The following AGBL1 variants were observed in gnomAD, a reference collection of about 807,000 sequenced individuals.
AGBL1 encodes cytosolic carboxypeptidase 4.
AGBL1 carries 130 observed loss-of-function variants against 118.9 expected under a neutral mutation model. The ratio of observed to expected loss-of-function variants is 1.09; its 90% CI spans 0.95 to 1.26. The LOEUF (loss-of-function observed/expected upper bound fraction) is 1.26, where lower values mean the gene tolerates loss of function less well. Ranked by LOEUF, AGBL1 falls within the 50% of genes most tolerant of loss-of-function variation. The pLI is 0.00. For synonymous variants in AGBL1, 555 were observed against 478.9 expected, an observed-to-expected ratio of 1.16 and a Z score of -2.08; for missense variants, 1,584 against 1,298.1, an observed-to-expected ratio of 1.22 and a Z score of -3.38.
intron 21 of AGBL1, among the ~76,000 whole-genome samples, chr15:86,569,742 G>A (rs1366428772): frequency 6.6e-6 from 1 of 152,162 alleles, no homozygotes; most frequent in Admixed American, 6.5e-5. Context: ...TGCTAATAAG[G>A]TTGCCAGCAG....
chr15:86,467,841 A>G (rs1261623747), intron 18 of AGBL1, among the ~76,000 whole-genome samples: 1 of 152,140 alleles, frequency 6.6e-6, no homozygotes, highest in East Asian at 1.9e-4. Context: ...AGTGAGATGA[A>G]CCAGGTACCT....
chr15:86,128,066 T>A (rs1219929632), intron 1 of AGBL1, among the ~76,000 whole-genome samples: 1 of 152,188 alleles, frequency 6.6e-6, no homozygotes, highest in Non-Finnish European at 1.5e-5. Context: ...CCTGTATACC[T>A]TACAAACTTG....
chr15:86,254,814 A>T (rs547546924), intron 7 of AGBL1, among the ~76,000 whole-genome samples: 63 of 152,312 alleles, frequency 4.1e-4, no homozygotes, highest in South Asian at 4.1e-4. Context: ...CATCAGCATG[A>T]GGGAAATGTT....
chr15:86,264,585 G>T lies in AGBL1; in HGVS notation c.1414G>T (p.Ala472Ser), dbSNP rs1161868641. 3 of 1,613,834 alleles carry T rather than the reference G, an allele frequency of 1.9e-6. No individual in the cohort carries two copies. The highest frequency in any genetic ancestry group is 2.5e-6 in the Non-Finnish European group (3 of 1,179,874). The change falls in exon 11 of 23, where the codon GCA (alanine) becomes TCA (serine). Residue 472 changes from alanine to serine, a missense_variant. Ala to Ser is a moderately conservative substitution (Grantham distance 99). Coordinates refer to ENST00000614907, the MANE Select transcript of AGBL1 (RefSeq NM_001386094.1). ...GAAAGCAGATGCCTGGGACGTAGATGCAATTTTCTGCCCAAGGATGAGTGC... is the reference window on the plus strand; with the variant it reads ...GAAAGCAGATGCCTGGGACGTAGATTCAATTTTCTGCCCAAGGATGAGTGC... ...SPKADAWDVDAIFCPRMSASF... is the reference protein window; with the variant it reads ...SPKADAWDVDSIFCPRMSASF...
At chr15:86,886,729 G>A (rs1159943383) in intron 22 of AGBL1, among the ~76,000 whole-genome samples, 1 of 152,148 alleles carries the variant, frequency 6.6e-6, no homozygotes, top group South Asian at 2.1e-4. Flanking sequence ...TTTTCAATTA[G>A]CCGTGGCAAG....
chr15:86,279,974 T>G (rs775011432), intron 16 of AGBL1, among the ~76,000 whole-genome samples, 191 bp downstream of exon 16: 4 of 152,176 alleles, frequency 2.6e-5, no homozygotes, highest in Non-Finnish European at 5.9e-5. Context: ...TCTCCTTCCC[T>G]GGACAGAGCA....
chr15:86,244,035 GTAGATAGA>G (rs202048303), intron 6 of AGBL1, among the ~76,000 whole-genome samples: 175 of 136,376 alleles, frequency 1.3e-3, no homozygotes, highest in African/African-American at 4.7e-3. Context: ...AAATAGATAA[GTAGATAGA>G]TAGATAGATA....
At chr15:86,265,667 C>T (rs1482626491) in intron 11 of AGBL1, among the ~76,000 whole-genome samples, 1 of 152,204 alleles carries the variant, frequency 6.6e-6, no homozygotes, top group Non-Finnish European at 1.5e-5. Context: ...CTTTATCTGT[C>T]ATGCTCATTT....
chr15:86,203,308 C>T (rs1341124258), intron 5 of AGBL1, among the ~76,000 whole-genome samples: 3 of 152,070 alleles, frequency 2.0e-5, no homozygotes, highest in South Asian at 2.1e-4. Context: ...GTTATGCTTA[C>T]GTTTTAAAGA....
chr15:86,620,824 A>G (rs1038473848), intron 21 of AGBL1, among the ~76,000 whole-genome samples: 1 of 149,736 alleles, frequency 6.7e-6, no homozygotes, highest in African/African-American at 2.5e-5. Flanking sequence ...TTTTTTTTCT[A>G]TAGCATTGCA....
rs112194941 is a variant in AGBL1, at chr15:86,167,249, C to CT, written c.488+8237dup. On this transcript the variant is annotated intron_variant, in intron 5 of 22. Transcript: ENST00000614907. ...GAACTGATATTTCTTTTTTACTTTT[C>CT]TTTTTTTTTTTTTTGAGATCAAGTC... Among the ~76,000 whole-genome samples the CT allele has an allele frequency of 3.2e-3, 461 of 142,280 alleles. 1 individual carries two copies. The highest frequency in any genetic ancestry group is 8.1e-3 in the African/African-American group (315 of 38,908). The allele number at this position is 142,280 out of a possible 152,430, so 93.3% of individuals were successfully genotyped here.
chr15:86,829,711 T>A lies in AGBL1; in HGVS notation c.3159-77376T>A, dbSNP rs2079077302. On this transcript the variant is annotated intron_variant, in intron 22 of 22. Coordinates refer to ENST00000614907, the MANE Select transcript of AGBL1 (RefSeq NM_001386094.1). ...ACCTGAAGATCAGAGACCAGCAGAT[T>A]TGAGGGAGAGATATAGTCACAGACC... 2.0e-5 allele frequency among the ~76,000 whole-genome samples: 3 copies of A among 152,222 alleles called. No individual in the cohort carries two copies. In the South Asian group the frequency reaches 6.2e-4, roughly 32 times the overall value.
chr15:86,457,447 C>T (rs1180119736), intron 18 of AGBL1, among the ~76,000 whole-genome samples: 2 of 152,166 alleles, frequency 1.3e-5, no homozygotes, highest in Non-Finnish European at 2.9e-5. Context: ...TCTCTGCTTT[C>T]TGAAGAGGGC....
At position 86,630,078 on chromosome 15, in the gene AGBL1, A is replaced by C. The variant is rs28445689; in HGVS notation, c.2995-44195A>C. 2.7e-3 allele frequency among the ~76,000 whole-genome samples: 404 copies of C among 152,376 alleles called. 4 individuals carry two copies. The highest frequency in any genetic ancestry group is 9.4e-3 in the African/African-American group (392 of 41,590). Reference sequence around the variant, plus strand: ...CAATGTGGTGCTTTGAAGAGGATGAAAATTTCTCCTTATATGAATCTTCCT... The same window carrying C: ...CAATGTGGTGCTTTGAAGAGGATGACAATTTCTCCTTATATGAATCTTCCT... On this transcript the variant is annotated intron_variant, in intron 21 of 22. Coordinates refer to ENST00000614907, the MANE Select transcript of AGBL1 (RefSeq NM_001386094.1).
chr15:86,269,820 G>T, intron 13 of AGBL1, 99 bp from the exon 14 acceptor site: 2 of 1,372,914 alleles, frequency 1.5e-6, no homozygotes, highest in Admixed American at 2.2e-5. Context: ...CTGGGTCTTA[G>T]ATCTGTAACC....
intron 17 of AGBL1, among the ~76,000 whole-genome samples, chr15:86,353,195 G>A (rs187393571): frequency 3.3e-5 from 5 of 152,308 alleles, no homozygotes; most frequent in Admixed American, 6.5e-5. Flanking sequence ...AGCTGAGTGA[G>A]GGAAGTCAGT....
At chr15:86,086,672 A>G (rs940667973) in intron 1 of AGBL1, among the ~76,000 whole-genome samples, 3 of 152,144 alleles carry the variant, frequency 2.0e-5, no homozygotes, top group Non-Finnish European at 2.9e-5. Context: ...TACAAACTGA[A>G]TACATCTATG....
intron 23 of AGBL1, among the ~76,000 whole-genome samples, chr15:86,950,915 AAC>A (rs2080874440): frequency 6.6e-6 from 1 of 152,150 alleles, no homozygotes; most frequent in Admixed American, 6.5e-5. Context: ...ATAAAATAAA[AAC>A]ACTATATGAA....
At chr15:86,412,454 C>G (rs1477587078) in intron 18 of AGBL1, among the ~76,000 whole-genome samples, 1 of 152,112 alleles carries the variant, frequency 6.6e-6, no homozygotes, top group Non-Finnish European at 1.5e-5. Flanking sequence ...TCTTTTTGAA[C>G]CTAAATCTTG....
Sources: gnomAD v4.1 joint callset for allele counts (sites outside exome capture counted in the v4.1 genomes callset) on GRCh38, gnomAD v4.1.1 for gene constraint, MANE v1.5 for transcripts, NCBI Gene and HGNC (gene_info 2026-07-23, HGNC 2026-07-21) for gene names.